The following GRID2 variants were observed in gnomAD, a reference collection of about 807,000 sequenced individuals.
The protein encoded by GRID2 is glutamate ionotropic receptor delta type subunit 2.
In GRID2, 33 loss-of-function variants were observed where a neutral mutation model predicts 114.8. The ratio of observed to expected loss-of-function variants is 0.29; its 90% CI spans 0.22 to 0.38. The LOEUF (loss-of-function observed/expected upper bound fraction) is 0.38. Ranked by LOEUF, GRID2 falls within the 10% of genes least tolerant of loss-of-function variation. The pLI, the probability that GRID2 is intolerant of heterozygous loss-of-function variation, is 1.00. For missense variants in GRID2, 1,184 were observed against 1,257.7 expected, an observed-to-expected ratio of 0.94 and a Z score of 0.89; for synonymous variants, 505 against 449.9, an observed-to-expected ratio of 1.12 and a Z score of -1.55.
chr4:92,534,747 A>C (rs1236371143), intron 1 of GRID2, among the ~76,000 whole-genome samples: 2 of 152,160 alleles, frequency 1.3e-5, no homozygotes, highest in Non-Finnish European at 2.9e-5. Context: ...TGAATGCCAA[A>C]ACAAAGCAGT....
At chr4:92,469,221 G>T (rs1326384766) in intron 1 of GRID2, among the ~76,000 whole-genome samples, 2 of 152,034 alleles carry the variant, frequency 1.3e-5, no homozygotes, top group Admixed American at 6.6e-5. Flanking sequence ...AGTGTCAAGT[G>T]CTTTTATATT....
At chr4:93,222,865 C>T (rs539714856) in intron 6 of GRID2, among the ~76,000 whole-genome samples, 20 of 151,568 alleles carry the variant, frequency 1.3e-4, no homozygotes, top group African/African-American at 4.6e-4. Flanking sequence ...CACATGCACA[C>T]GTATGTTTAT....
chr4:92,658,919 CAT>C lies in GRID2; in HGVS notation c.244+68638_244+68639del, dbSNP rs1051795524. ...ACACATACACACATTTGCATGTAGA[CAT>C]ATATGTGTGTATGTGCATTTCCTTT... On this transcript the variant is annotated intron_variant, in intron 2 of 15. Coordinates refer to ENST00000282020, the MANE Select transcript of GRID2 (RefSeq NM_001510.4). Among the ~76,000 whole-genome samples, 9 of 147,020 alleles carry C rather than the reference CAT, an allele frequency of 6.1e-5. 2 individuals carry two copies. The highest frequency in any genetic ancestry group is 1.4e-4 in the Non-Finnish European group (9 of 66,308).
chr4:93,297,376 T>C (rs1754421880), intron 8 of GRID2, among the ~76,000 whole-genome samples: 2 of 152,234 alleles, frequency 1.3e-5, no homozygotes, highest in Non-Finnish European at 2.9e-5. Context: ...AACTGGCATA[T>C]ATATATGAAA....
intron 2 of GRID2, among the ~76,000 whole-genome samples, chr4:92,832,583 G>C (rs940475068): frequency 6.6e-6 from 1 of 152,098 alleles, no homozygotes; most frequent in East Asian, 2.0e-4. Flanking sequence ...TAGTAGAGAC[G>C]GGGTTTCACC....
chr4:93,655,764 G>T (rs1035990109), intron 14 of GRID2, among the ~76,000 whole-genome samples: 16 of 151,980 alleles, frequency 1.1e-4, no homozygotes, highest in African/African-American at 3.6e-4. Flanking sequence ...CCTACTCATT[G>T]TCTTGGAACT....
At chr4:92,411,960 C>T (rs1731357906) in intron 1 of GRID2, among the ~76,000 whole-genome samples, 1 of 152,034 alleles carries the variant, frequency 6.6e-6, no homozygotes. Context: ...CCGCCTCGGC[C>T]TCCCAAAGTG....
rs948343706 is a variant in GRID2 at position 92,369,284 on chromosome 4, T to C, written c.88+64540T>C. On this transcript the variant is annotated intron_variant, in intron 1 of 15. Transcript: ENST00000282020. ...CATGTCCCCTTCACAGAGATTCCCC[T>C]AATGTTAGACTAATGGTCCTAACTT... Among the ~76,000 whole-genome samples, 4 of 152,158 alleles carry C rather than the reference T, an allele frequency of 2.6e-5. No individual in the cohort carries two copies. In the East Asian group the frequency reaches 7.7e-4, roughly 29 times the overall value.
At chr4:93,476,034 G>A (rs1426382507) in intron 11 of GRID2, among the ~76,000 whole-genome samples, 2 of 151,878 alleles carry the variant, frequency 1.3e-5, no homozygotes, top group Non-Finnish European at 1.5e-5. Context: ...GGTAAAATCA[G>A]TAGGTTAAAA....
intron 2 of GRID2, among the ~76,000 whole-genome samples, chr4:92,748,612 T>C (rs943297399): frequency 6.7e-6 from 1 of 150,016 alleles, no homozygotes; most frequent in African/African-American, 2.4e-5. Context: ...CTCAATCGAT[T>C]TGTACCATTT....
At chr4:93,449,182 C>A (rs1280948128) in intron 10 of GRID2, among the ~76,000 whole-genome samples, 2 of 151,666 alleles carry the variant, frequency 1.3e-5, no homozygotes, top group Non-Finnish European at 2.9e-5. Flanking sequence ...TTCTCTTGAA[C>A]AGCAAGAGAA....
At chr4:93,435,749 A>C (rs767157511) in intron 10 of GRID2, among the ~76,000 whole-genome samples, 1 of 152,342 alleles carries the variant, frequency 6.6e-6, no homozygotes, top group Non-Finnish European at 1.5e-5. Flanking sequence ...TGGAAGAACC[A>C]GGATATTAGC....
chr4:92,706,141 G>A (rs1350587085), intron 2 of GRID2, among the ~76,000 whole-genome samples: 1 of 152,128 alleles, frequency 6.6e-6, no homozygotes, highest in East Asian at 1.9e-4. Context: ...AGCATCATAC[G>A]TTTTAAGACA....
chr4:93,697,710 C>T (rs909652877), intron 14 of GRID2, among the ~76,000 whole-genome samples: 1 of 151,628 alleles, frequency 6.6e-6, no homozygotes, highest in African/African-American at 2.4e-5. Flanking sequence ...GGAATAAGTT[C>T]AGGAGACCTA....
chr4:93,539,386 A>G (rs1446718143), intron 13 of GRID2, among the ~76,000 whole-genome samples: 1 of 151,990 alleles, frequency 6.6e-6, no homozygotes, highest in Admixed American at 6.6e-5. Flanking sequence ...ATATGTCCTT[A>G]GCACTTATTC....
intron 2 of GRID2, among the ~76,000 whole-genome samples, chr4:93,049,657 G>A (rs755466707): frequency 2.0e-4 from 31 of 151,748 alleles, no homozygotes; most frequent in South Asian, 6.2e-4. Context: ...TATATCAAGG[G>A]AACCCAGGGA....
intron 14 of GRID2, among the ~76,000 whole-genome samples, chr4:93,736,145 A>G (rs1730909908): frequency 6.6e-6 from 1 of 152,038 alleles, no homozygotes; most frequent in Non-Finnish European, 1.5e-5. Flanking sequence ...TTCCCTTCCT[A>G]AGAGATTTCT....
chr4:93,297,757 G>A (rs1238067056), intron 8 of GRID2, among the ~76,000 whole-genome samples: 1 of 152,046 alleles, frequency 6.6e-6, no homozygotes, highest in East Asian at 1.9e-4. Context: ...CTTTTCTTCA[G>A]GTTTGATAGT....
At chr4:93,226,516 T>A (rs183681846) in intron 7 of GRID2, among the ~76,000 whole-genome samples, 1 of 152,316 alleles carries the variant, frequency 6.6e-6, no homozygotes, top group Admixed American at 6.5e-5. Context: ...CATTTCTGGA[T>A]ACGCTGAGAC....
Sources: allele counts gnomAD v4.1 joint callset (sites outside exome capture counted in the v4.1 genomes callset), GRCh38; gene constraint gnomAD v4.1.1; transcripts MANE v1.5; gene names NCBI Gene and HGNC (gene_info 2026-07-23, HGNC 2026-07-21).